ADGRV1: variants seen among roughly 807,000 people sequenced by gnomAD.
ADGRV1 encodes adhesion G protein-coupled receptor V1.
In ADGRV1, 359 loss-of-function variants were observed where a neutral mutation model predicts 596.2. The observed-to-expected ratio is 0.60, with a 90% CI of 0.55 to 0.66. The LOEUF is 0.66. Among genes scored for constraint, ADGRV1 ranks in the 30% least tolerant of loss-of-function variants. ADGRV1 has a pLI of 0.00. For missense variants in ADGRV1, 7,274 were observed against 7,575.6 expected (o/e 0.96, Z 1.48); for synonymous variants, 2,681 against 2,679.2 (o/e 1.00, Z -0.02).
intron 88 of ADGRV1, among the ~76,000 whole-genome samples, chr5:91,150,433 C>G (rs1391042752): frequency 6.6e-6 from 1 of 152,162 alleles, no homozygotes; most frequent in African/African-American, 2.4e-5. Context: ...CTTACTATAG[C>G]GTCACACCCA....
intron 86 of ADGRV1, among the ~76,000 whole-genome samples, chr5:91,099,153 C>T (rs553307042): frequency 6.6e-6 from 1 of 152,130 alleles, no homozygotes; most frequent in South Asian, 2.1e-4. Context: ...CGTAAATCTT[C>T]TTGTATTAGT....
intron 83 of ADGRV1, among the ~76,000 whole-genome samples, chr5:90,940,608 G>A (rs1776094673): frequency 6.6e-6 from 1 of 152,106 alleles, no homozygotes; most frequent in Admixed American, 6.6e-5. Flanking sequence ...GATATACTGT[G>A]ATGTTTTTCA....
At chr5:90,821,474 T>C (rs202171186) in intron 75 of ADGRV1, among the ~76,000 whole-genome samples, 1 of 151,598 alleles carries the variant, frequency 6.6e-6, no homozygotes, top group East Asian at 1.9e-4. Context: ...TGCGTTCCTT[T>C]GGAGGAGGAG....
At chr5:90,915,587 T>C (rs1773278056) in intron 83 of ADGRV1, among the ~76,000 whole-genome samples, 1 of 152,084 alleles carries the variant, frequency 6.6e-6, no homozygotes, top group African/African-American at 2.4e-5. Flanking sequence ...GATTGTGAGA[T>C]TGGTGGAAAG....
intron 77 of ADGRV1, among the ~76,000 whole-genome samples, chr5:90,834,941 T>C (rs887922948): frequency 6.6e-6 from 1 of 151,170 alleles, no homozygotes; most frequent in African/African-American, 2.4e-5. Context: ...TCTTTCTTTC[T>C]TTTTCTTTCT....
chr5:90,727,191 G>A (rs879886873), intron 48 of ADGRV1, among the ~76,000 whole-genome samples: 2 of 152,108 alleles, frequency 1.3e-5, no homozygotes, highest in Non-Finnish European at 2.9e-5. Context: ...GGGCTCTGGT[G>A]ATCCTCCTAC....
chr5:90,861,919 A>G (rs1243667776), intron 82 of ADGRV1, among the ~76,000 whole-genome samples: 2 of 152,160 alleles, frequency 1.3e-5, no homozygotes, highest in Non-Finnish European at 2.9e-5. Flanking sequence ...GGTTTTATCA[A>G]TATTATTCTC....
intron 9 of ADGRV1, among the ~76,000 whole-genome samples, chr5:90,631,468 C>T (rs1765492256): frequency 2.0e-5 from 3 of 152,028 alleles, no homozygotes; most frequent in Admixed American, 2.0e-4. Flanking sequence ...TTGTAATATA[C>T]CTACACAGAG....
At chr5:90,598,177 G>A (rs763091387) in intron 1 of ADGRV1, among the ~76,000 whole-genome samples, 7 of 152,142 alleles carry the variant, frequency 4.6e-5, no homozygotes, top group African/African-American at 1.7e-4. Context: ...CTTGATTTTC[G>A]TCATGTTTAC....
rs374045579 is a variant in ADGRV1, at chr5:91,031,187, A to G, written c.18153-41260A>G. 3.3e-5 allele frequency: 49 copies of G among 1,486,348 alleles called. No homozygotes were observed. In the African/African-American group the frequency reaches 4.7e-4, roughly 14 times the overall value. 92.1% of individuals were successfully genotyped at this position (1,486,348 alleles called of 1,614,324 possible). A position where few individuals can be genotyped will look rare whatever the true frequency, so the allele number is the denominator to read the frequency against. ...ATTGTCCACAACCAAAAAGGCAAGA[A>G]GAGTAATCGAGATTTCCAGGAGTGT... On this transcript the variant is annotated intron_variant, in intron 85 of 89. Transcript: ENST00000405460.
In ADGRV1 at chr5:90,802,744, C is replaced by T. The variant is rs1426879693; in HGVS notation, c.14523C>T (p.Phe4841=). The T allele has an allele frequency of 1.2e-6, 2 of 1,610,718 alleles. No homozygotes were observed. The highest frequency in any genetic ancestry group is 8.5e-7 in the Non-Finnish European group (1 of 1,178,136). ...VDVVPIKNQV[F]LSLGSNFTLQ... ...CTGACACTGTTTGTTTATAGGTCTTCCTATCACTGGGCTCTAATTTCACTT... is the reference window on the plus strand; with the variant it reads ...CTGACACTGTTTGTTTATAGGTCTTTCTATCACTGGGCTCTAATTTCACTT... The change falls in exon 71 of 90, where the codon TTC becomes TTT. Residue 4841 remains phenylalanine (F), a synonymous_variant. Coordinates refer to ENST00000405460, the MANE Select transcript of ADGRV1 (RefSeq NM_032119.4).
At chr5:91,112,194 C>A (rs994359887) in intron 87 of ADGRV1, among the ~76,000 whole-genome samples, 2 of 152,164 alleles carry the variant, frequency 1.3e-5, no homozygotes, top group Non-Finnish European at 2.9e-5. Context: ...TCTGATCTGC[C>A]AGTAAACATC....
In ADGRV1 at chr5:90,558,848, A is replaced by G; in HGVS notation, c.-48A>G. On this transcript the variant is annotated 5_prime_UTR_variant, in exon 1 of 90. Transcript: ENST00000405460. ...AGGAGTACGGACGGGAGTCAGAGGC[A>G]GAGCGAGGGTGTGTGGAGGGCCGGC... 1 of 1,554,220 alleles carries G rather than the reference A, an allele frequency of 6.4e-7. No homozygotes were observed. The highest frequency in any genetic ancestry group is 8.7e-7 in the Non-Finnish European group (1 of 1,146,536).
intron 83 of ADGRV1, among the ~76,000 whole-genome samples, chr5:90,922,098 C>T (rs1415978467): frequency 6.6e-6 from 1 of 152,184 alleles, no homozygotes; most frequent in African/African-American, 2.4e-5. Flanking sequence ...GGTGGACAGT[C>T]CCGTATCTGT....
chr5:91,090,071 A>T (rs1412498699), intron 86 of ADGRV1, among the ~76,000 whole-genome samples: 1 of 152,220 alleles, frequency 6.6e-6, no homozygotes, highest in Non-Finnish European at 1.5e-5. Flanking sequence ...CTTATGAAAC[A>T]TTTATGAAAT....
chr5:90,755,285 G>T, intron 55 of ADGRV1, 100 bp downstream of exon 55: 1 of 735,706 alleles, frequency 1.4e-6, no homozygotes, highest in Non-Finnish European at 2.1e-6. Flanking sequence ...TTTAATAAAA[G>T]GATTCTTTTA....
chr5:90,917,128 G>A (rs1773455119), intron 83 of ADGRV1, among the ~76,000 whole-genome samples: 1 of 152,084 alleles, frequency 6.6e-6, no homozygotes, highest in South Asian at 2.1e-4. Context: ...TTTCATAAGG[G>A]ATGTAGCAAT....
chr5:91,149,920 A>G, intron 87 of ADGRV1, 110 bp from the exon 88 acceptor site: 1 of 784,752 alleles, frequency 1.3e-6, no homozygotes, highest in Non-Finnish European at 1.9e-6. Context: ...CAGCATGAGA[A>G]TGGACCAATA....
intron 86 of ADGRV1, among the ~76,000 whole-genome samples, chr5:91,089,915 G>A (rs1790235488): frequency 6.6e-6 from 1 of 152,176 alleles, no homozygotes; most frequent in African/African-American, 2.4e-5. Flanking sequence ...GAGCATGCCT[G>A]TAGCTGAGTT....
Sources: allele counts gnomAD v4.1 joint callset (sites outside exome capture counted in the v4.1 genomes callset), GRCh38; gene constraint gnomAD v4.1.1; transcripts MANE v1.5; gene names NCBI Gene and HGNC (gene_info 2026-07-23, HGNC 2026-07-21).